The following SF3B4 variants were observed in gnomAD, a reference collection of about 807,000 sequenced individuals.
SF3B4 encodes the protein SAP 49.
SF3B4 carries 3 observed loss-of-function variants against 34.3 expected under a neutral mutation model. The observed-to-expected ratio is 0.09, with a 90% confidence interval of 0.04 to 0.23. SF3B4 has a LOEUF of 0.23. Ranked by LOEUF, SF3B4 falls within the 10% of genes least tolerant of loss-of-function variation. The pLI is 1.00. For missense variants in SF3B4, 283 were observed against 567.2 expected (o/e 0.50, Z 5.09); for synonymous variants, 216 against 207.8 (o/e 1.04, Z -0.34).
In SF3B4 at chr1:149,923,735, A is replaced by G. The variant is rs2092569684; in HGVS notation, c.1088-6T>C. On this transcript the variant is annotated splice_polypyrimidine_tract_variant and splice_region_variant and intron_variant, in intron 5 of 5. Coordinates refer to ENST00000271628, the MANE Select transcript of SF3B4 (RefSeq NM_005850.5). The stretch of plus-strand genomic sequence containing the variant: ...AGGCATAGGACCTGGGTGACCTGCA[A>G]AGAGTAAAAGAAAAGTTAGTAAGGG... 1 of 1,509,374 alleles carries G rather than the reference A, an allele frequency of 6.6e-7. No individual in the cohort carries two copies. The highest frequency in any genetic ancestry group is 8.8e-7 in the Non-Finnish European group (1 of 1,136,586). The allele number at this position is 1,509,374 out of a possible 1,614,324, so 93.5% of individuals were successfully genotyped here.
intron 4 of SF3B4, chr1:149,925,543 C>T: frequency 2.5e-6 from 1 of 407,504 alleles, no homozygotes; most frequent in Non-Finnish European, 4.6e-6. Context: ...GCAGAAGCGT[C>T]CCCGAGATTT....
In SF3B4 at chr1:149,926,014, G is replaced by C; in HGVS notation, c.735C>G (p.Pro245=). 6.7e-7 allele frequency: 1 copy of C among 1,501,680 alleles called. No individual in the cohort carries two copies. Among genetic ancestry groups the C allele is most frequent in the South Asian group, 1.3e-5 (1 of 74,146 alleles). 93.0% of individuals were successfully genotyped at this position (1,501,680 alleles called of 1,614,324 possible). ...PGMPPPGSFP[P]PVPPPGALPP... ...GGAGGGCTCCAGGAGGTGGCACTGG[G>C]GGTGGGAAGGAGCCAGGAGGAGGCA... Residue 245 remains proline, a synonymous_variant, in exon 4 of 6, where the codon CCC becomes CCG. Coordinates refer to ENST00000271628, the MANE Select transcript of SF3B4 (RefSeq NM_005850.5). The surrounding 1 kb of genome is among the most constrained non-coding windows in gnomAD (Gnocchi z 6.2).
rs1278642185 is a variant in SF3B4 at position 149,927,723 on chromosome 1, T to C, written c.34+3A>G. ...CCATTCCAGACTTTCCCCCTCCAGTTACCCTGATTCCGCTCGGAGATCGGC... is the reference window on the plus strand; with the variant it reads ...CCATTCCAGACTTTCCCCCTCCAGTCACCCTGATTCCGCTCGGAGATCGGC... On this transcript the variant is annotated splice_donor_region_variant and intron_variant, in intron 1 of 5. Transcript: ENST00000271628. 15 of 1,553,086 alleles carry C rather than the reference T, an allele frequency of 9.7e-6. No individual in the cohort carries two copies. Among genetic ancestry groups the C allele is most frequent in the Non-Finnish European group, 1.3e-5 (15 of 1,147,830 alleles).
At chr1:149,924,692 A>G (rs1191847886) in intron 4 of SF3B4, among the ~76,000 whole-genome samples, 1 of 152,196 alleles carries the variant, frequency 6.6e-6, no homozygotes, top group Admixed American at 6.5e-5. Context: ...TAAAGGATGA[A>G]TACTTCAGGA....
rs1416695743 is a variant in SF3B4 at position 149,926,008 on chromosome 1, C to T, written c.741G>A (p.Val247=). The T allele has an allele frequency of 6.7e-7, 1 of 1,500,972 alleles. No homozygotes were observed. The highest frequency in any genetic ancestry group is 2.3e-5 in the East Asian group (1 of 43,486). The allele number at this position is 1,500,972 out of a possible 1,614,324, so 93.0% of individuals were successfully genotyped here. A position where few individuals can be genotyped will look rare whatever the true frequency, so the allele number is the denominator to read the frequency against. ...MPPPGSFPPP[V]PPPGALPPGI... ...CAGGTGGGAGGGCTCCAGGAGGTGGCACTGGGGGTGGGAAGGAGCCAGGAG... is the reference window on the plus strand; with the variant it reads ...CAGGTGGGAGGGCTCCAGGAGGTGGTACTGGGGGTGGGAAGGAGCCAGGAG... Residue 247 remains valine (V), a synonymous_variant, in exon 4 of 6, where the codon GTG becomes GTA. Transcript: ENST00000271628. This position sits in a 1 kb window ranked among gnomAD's most constrained non-coding sequence, Gnocchi z 6.2.
intron 4 of SF3B4, chr1:149,925,514 A>T (rs2092584300): frequency 3.1e-6 from 1 of 321,976 alleles, no homozygotes. Flanking sequence ...AGTATATCAG[A>T]GGTCAAACTA....
chr1:149,925,437 G>A (rs1553765849), intron 4 of SF3B4, among the ~76,000 whole-genome samples: 2 of 152,004 alleles, frequency 1.3e-5, no homozygotes, highest in African/African-American at 4.8e-5. Flanking sequence ...AGAGAGGGGT[G>A]GAGGATCTAG....
chr1:149,926,177 A>G lies in SF3B4; in HGVS notation c.707-135T>C. The G allele has an allele frequency of 1.4e-6, 1 of 701,642 alleles. No individual in the cohort carries two copies. Among genetic ancestry groups the G allele is most frequent in the Non-Finnish European group, 2.3e-6 (1 of 425,858 alleles). The allele number at this position is 701,642 out of a possible 1,614,324, so 43.5% of individuals were successfully genotyped here. ...TCCCAGTGCTCTAAAATCAAAAGCA[A>G]TGTTAGAAAAGTCAACCAACTTCAC... On this transcript the variant is annotated intron_variant, in intron 3 of 5. Transcript: ENST00000271628. The surrounding 1 kb of genome is among the most constrained non-coding windows in gnomAD (Gnocchi z 6.2).
At chr1:149,927,594 G>A in intron 1 of SF3B4, 132 bp downstream of exon 1, 1 of 1,227,326 alleles carries the variant, frequency 8.1e-7, no homozygotes, top group Non-Finnish European at 1.1e-6. Flanking sequence ...GCCCCCAACA[G>A]GCAGAGGGCC....
In SF3B4 at chr1:149,926,055, TG is replaced by T. The variant is rs781826192; in HGVS notation, c.707-14del. The T allele has an allele frequency of 7.3e-7, 1 of 1,376,594 alleles. No homozygotes were observed. Among genetic ancestry groups the T allele is most frequent in the East Asian group, 2.3e-5 (1 of 42,564 alleles). 85.3% of individuals were successfully genotyped at this position (1,376,594 alleles called of 1,614,324 possible). ...GGAGGAGGCATGCCTATAGAGGAAA[TG>T]GAAAAAGGAAGAGTTAATGGTAGTG... On this transcript the variant is annotated splice_polypyrimidine_tract_variant and intron_variant, in intron 3 of 5. Coordinates refer to ENST00000271628, the MANE Select transcript of SF3B4 (RefSeq NM_005850.5). This position sits in a 1 kb window ranked among gnomAD's most constrained non-coding sequence, Gnocchi z 6.2.
rs781918466 is a variant in SF3B4 at position 149,923,508 on chromosome 1, G to A, written c.*34C>T. The A allele has an allele frequency of 1.3e-6, 2 of 1,527,564 alleles. No homozygotes were observed. Among genetic ancestry groups the A allele is most frequent in the Admixed American group, 4.2e-5 (2 of 47,542 alleles). 94.6% of individuals were successfully genotyped at this position (1,527,564 alleles called of 1,614,324 possible). A position where few individuals can be genotyped will look rare whatever the true frequency, so the allele number is the denominator to read the frequency against. The stretch of plus-strand genomic sequence containing the variant: ...TGGTCCAAGGAATAGAAAAGATATT[G>A]GGAAAATGTAACAGGAGGAAGGAAA... On this transcript the variant is annotated 3_prime_UTR_variant, in exon 6 of 6. Transcript: ENST00000271628.
intron 1 of SF3B4, 149 bp from the exon 2 acceptor site, chr1:149,927,443 T>C: frequency 1.1e-6 from 1 of 902,318 alleles, no homozygotes; most frequent in Non-Finnish European, 1.7e-6. Context: ...CTTAAACTTC[T>C]CTCTTCCCAG....
chr1:149,926,929 G>A lies in SF3B4; in HGVS notation c.164-11C>T, dbSNP rs1553766093. 1 of 1,586,546 alleles carries A rather than the reference G, an allele frequency of 6.3e-7. No individual in the cohort carries two copies. The stretch of plus-strand genomic sequence containing the variant: ...CCACAAAGCCATAGCCTGGAAAAGT[G>A]GAGAAGAGGAGGTTAACAACGTAAG... On this transcript the variant is annotated splice_polypyrimidine_tract_variant and intron_variant, in intron 2 of 5. Coordinates refer to ENST00000271628, the MANE Select transcript of SF3B4 (RefSeq NM_005850.5). This position sits in a 1 kb window ranked among gnomAD's most constrained non-coding sequence, Gnocchi z 6.2.
chr1:149,923,458 C>G lies in SF3B4; in HGVS notation c.*84G>C. 1 of 1,111,260 alleles carries G rather than the reference C, an allele frequency of 9.0e-7. No homozygotes were observed. 68.8% of individuals were successfully genotyped at this position (1,111,260 alleles called of 1,614,324 possible). A position where few individuals can be genotyped will look rare whatever the true frequency, so the allele number is the denominator to read the frequency against. On this transcript the variant is annotated 3_prime_UTR_variant, in exon 6 of 6. Transcript: ENST00000271628. ...TGCTGAAAGGGATTAGTACCTTTGC[C>G]CCAAGGAGCTACAGCATCTCTGATT...
chr1:149,925,219 G>A (rs587640172), intron 4 of SF3B4, among the ~76,000 whole-genome samples: 1 of 152,232 alleles, frequency 6.6e-6, no homozygotes, highest in Admixed American at 6.5e-5. Flanking sequence ...TGGATTTGAA[G>A]GAGAGGGATA....
Position 149,927,774 on chromosome 1 carries a change from C to G in SF3B4, c.-15G>C. 1 of 1,551,938 alleles carries G rather than the reference C, an allele frequency of 6.4e-7. No individual in the cohort carries two copies. Among genetic ancestry groups the G allele is most frequent in the Non-Finnish European group, 8.7e-7 (1 of 1,147,392 alleles). ...CCGGCAGCCATGGCGAAAGAGATCC[C>G]GCCGTCTCCCAGCAGCGGTTCCGCC... On this transcript the variant is annotated 5_prime_UTR_variant, in exon 1 of 6. Coordinates refer to ENST00000271628, the MANE Select transcript of SF3B4 (RefSeq NM_005850.5).
rs1553765692 is a variant in SF3B4, at chr1:149,924,024, T to G, written c.914-10A>C. On this transcript the variant is annotated splice_polypyrimidine_tract_variant and intron_variant, in intron 4 of 5. Transcript: ENST00000271628. ...TGCATCTGAGACATCCCTATGAAAATAAAATAGACACAAGAAGAAAAGAGA... is the reference window on the plus strand; with the variant it reads ...TGCATCTGAGACATCCCTATGAAAAGAAAATAGACACAAGAAGAAAAGAGA... 2.6e-6 allele frequency: 4 copies of G among 1,511,768 alleles called. No individual in the cohort carries two copies. The highest frequency in any genetic ancestry group is 3.5e-6 in the Non-Finnish European group (4 of 1,138,578). The allele number at this position is 1,511,768 out of a possible 1,614,324, so 93.6% of individuals were successfully genotyped here. A position where few individuals can be genotyped will look rare whatever the true frequency, so the allele number is the denominator to read the frequency against.
Position 149,926,188 on chromosome 1 carries a change from G to A in SF3B4, c.707-146C>T, listed in dbSNP as rs2092589388. ...TAAAATCAAAAGCAATGTTAGAAAAGTCAACCAACTTCACCCTCCTAAAGA... is the reference window on the plus strand; with the variant it reads ...TAAAATCAAAAGCAATGTTAGAAAAATCAACCAACTTCACCCTCCTAAAGA... On this transcript the variant is annotated intron_variant, in intron 3 of 5. Coordinates refer to ENST00000271628, the MANE Select transcript of SF3B4 (RefSeq NM_005850.5). This position sits in a 1 kb window ranked among gnomAD's most constrained non-coding sequence, Gnocchi z 6.2. The A allele has an allele frequency of 2.8e-6, 2 of 713,918 alleles. No individual in the cohort carries two copies. The highest frequency in any genetic ancestry group is 1.8e-5 in the African/African-American group (1 of 55,908). The allele number at this position is 713,918 out of a possible 1,614,324, so 44.2% of individuals were successfully genotyped here.
Position 149,926,109 on chromosome 1 carries a change from C to A in SF3B4, c.707-67G>T. On this transcript the variant is annotated intron_variant, in intron 3 of 5. Coordinates refer to ENST00000271628, the MANE Select transcript of SF3B4 (RefSeq NM_005850.5). This position sits in a 1 kb window ranked among gnomAD's most constrained non-coding sequence, Gnocchi z 6.2. ...GAGAAAATGTCTTTAAAGAGCCTGT[C>A]CTGATCTGGCCTCTCCAGGCAGGGT... The A allele has an allele frequency of 2.5e-6, 2 of 787,782 alleles. No individual in the cohort carries two copies. Among genetic ancestry groups the A allele is most frequent in the East Asian group, 5.4e-5 (2 of 37,356 alleles). The allele number at this position is 787,782 out of a possible 1,614,324, so 48.8% of individuals were successfully genotyped here.
Sources: allele counts gnomAD v4.1 joint callset (sites outside exome capture counted in the v4.1 genomes callset), GRCh38; gene constraint gnomAD v4.1.1; non-coding constraint Gnocchi (gnomAD v3.1); transcripts MANE v1.5; gene names NCBI Gene and HGNC (gene_info 2026-07-23, HGNC 2026-07-21).